Variants in LARP1B observed in about 807,000 individuals in gnomAD.
LARP1B encodes La ribonucleoprotein 1B, also known as la-related protein 1B.
In LARP1B, 76 loss-of-function variants were observed where a neutral mutation model predicts 114.2. The observed-to-expected ratio is 0.67, with a 90% confidence interval of 0.55 to 0.81. The LOEUF (loss-of-function observed/expected upper bound fraction) is 0.81, where lower values mean the gene tolerates loss of function less well. LARP1B is among the 30% of genes least tolerant of loss of function. The pLI, the probability that LARP1B is intolerant of heterozygous loss-of-function variation, is 0.00. For missense variants in LARP1B, 1,014 were observed against 1,075.8 expected (o/e 0.94, Z 0.80); for synonymous variants, 345 against 348.0 (o/e 0.99, Z 0.10).
At chr4:128,123,720 C>T in intron 11 of LARP1B, 2 of 973,648 alleles carry the variant, frequency 2.1e-6, no homozygotes, top group Non-Finnish European at 2.4e-6. Flanking sequence ...CAAAGGAACC[C>T]AACCATTGTG....
chr4:128,104,981 G>A (rs1045064702), intron 8 of LARP1B, among the ~76,000 whole-genome samples: 5 of 151,998 alleles, frequency 3.3e-5, no homozygotes, highest in Admixed American at 6.6e-5. Flanking sequence ...AGTTTGACTT[G>A]CTTCACATTC....
chr4:128,134,099 C>T (rs576318552), intron 11 of LARP1B, among the ~76,000 whole-genome samples: 72 of 151,640 alleles, frequency 4.7e-4, no homozygotes, highest in African/African-American at 1.7e-3. Flanking sequence ...CTCCTGGGCT[C>T]ATGCAATCCT....
Position 128,165,001 on chromosome 4 carries a change from A to G in LARP1B, c.1648+2684A>G, listed in dbSNP as rs78891021. 5.3e-3 allele frequency among the ~76,000 whole-genome samples: 809 copies of G among 152,234 alleles called. 9 individuals are homozygous for G. Among genetic ancestry groups the G allele is most frequent in the African/African-American group, 0.019 (773 of 41,554 alleles). ...GAAAAAATAAAAAAATAAAAAAGGG[A>G]TGTATAAAATAAGCTAGAACAAAGA... On this transcript the variant is annotated intron_variant, in intron 12 of 19. Coordinates refer to ENST00000326639, the MANE Select transcript of LARP1B (RefSeq NM_018078.4).
chr4:128,206,359 G>C, intron 17 of LARP1B, 69 bp from the exon 18 acceptor site: 1 of 828,876 alleles, frequency 1.2e-6, no homozygotes, highest in Non-Finnish European at 1.8e-6. Context: ...TGCCATGTTT[G>C]CTTATATTGA....
chr4:128,178,604 T>C lies in LARP1B; in HGVS notation c.1858T>C (p.Tyr620His), dbSNP rs773906860. 1 of 1,614,098 alleles carries C rather than the reference T, an allele frequency of 6.2e-7. No individual in the cohort carries two copies. Among genetic ancestry groups the C allele is most frequent in the South Asian group, 1.1e-5 (1 of 91,078 alleles). ...LQDPNKTPRF[Y>H]PVVKEPKAID... is the part of the protein sequence containing the mutation. ...AGATCCTAACAAAACACCAAGATTT[T>C]ATCCTGTTGTTAAAGAACCAAAAGC... Residue 620 changes from tyrosine (Y) to histidine (H), a missense_variant, in exon 14 of 20, where the codon TAT becomes CAT. Physicochemically the swap from Tyr to His is moderately conservative, Grantham distance 83. Transcript: ENST00000326639.
chr4:128,070,398 T>C (rs1764774248), intron 1 of LARP1B, among the ~76,000 whole-genome samples: 1 of 152,014 alleles, frequency 6.6e-6, no homozygotes, highest in Non-Finnish European at 1.5e-5. Context: ...CGGTGGCTCA[T>C]GCCTGCAATC....
chr4:128,117,649 G>A (rs1162370112), intron 10 of LARP1B, among the ~76,000 whole-genome samples: 1 of 152,026 alleles, frequency 6.6e-6, no homozygotes, highest in African/African-American at 2.4e-5. Context: ...CTCCCAAAGT[G>A]CTGGGATTAC....
intron 11 of LARP1B, chr4:128,123,049 T>A (rs1243671317): frequency 1.0e-6 from 1 of 985,262 alleles, no homozygotes; most frequent in Non-Finnish European, 1.2e-6. Flanking sequence ...GGAAATAAAG[T>A]TGTAGGAAGA....
chr4:128,074,280 G>A (rs1215471473), intron 1 of LARP1B, among the ~76,000 whole-genome samples, 180 bp from the exon 2 acceptor site: 2 of 152,186 alleles, frequency 1.3e-5, no homozygotes, highest in African/African-American at 4.8e-5. Context: ...GGAGACTGAA[G>A]ATCACCTTGA....
chr4:128,120,371 G>A (rs1261546514), intron 10 of LARP1B, among the ~76,000 whole-genome samples: 1 of 151,854 alleles, frequency 6.6e-6, no homozygotes, highest in Non-Finnish European at 1.5e-5. Flanking sequence ...TCTGTTGGGA[G>A]TTTTAAACTA....
At chr4:128,121,444 C>G (rs567327774) in intron 10 of LARP1B, among the ~76,000 whole-genome samples, 3 of 152,246 alleles carry the variant, frequency 2.0e-5, no homozygotes, top group Non-Finnish European at 4.4e-5. Context: ...CTCAGCCTCC[C>G]GAGTAGCTGG....
chr4:128,163,139 T>C (rs1739244868), intron 12 of LARP1B, among the ~76,000 whole-genome samples: 1 of 152,134 alleles, frequency 6.6e-6, no homozygotes, highest in Non-Finnish European at 1.5e-5. Flanking sequence ...TAGATTGATA[T>C]GTCTTTTTTA....
At chr4:128,150,896 G>C (rs1040741407) in intron 11 of LARP1B, among the ~76,000 whole-genome samples, 8 of 152,318 alleles carry the variant, frequency 5.3e-5, no homozygotes, top group African/African-American at 1.9e-4. Context: ...GGAAATCCTT[G>C]TTGCTTAAGC....
At chr4:128,150,874 A>G (rs1285625139) in intron 11 of LARP1B, among the ~76,000 whole-genome samples, 3 of 152,220 alleles carry the variant, frequency 2.0e-5, no homozygotes, top group East Asian at 1.9e-4. Flanking sequence ...CTTTCAAGCA[A>G]TTTGGCTGAA....
At chr4:128,162,895 A>G (rs1402012218) in intron 12 of LARP1B, among the ~76,000 whole-genome samples, 1 of 152,144 alleles carries the variant, frequency 6.6e-6, no homozygotes, top group African/African-American at 2.4e-5. Flanking sequence ...AGTAACTCCT[A>G]TACCTCCCTG....
chr4:128,085,221 A>AT lies in LARP1B; in HGVS notation c.358+2921dup, dbSNP rs556160094. Among the ~76,000 whole-genome samples the AT allele has an allele frequency of 1.4e-4, 21 of 152,214 alleles. No homozygotes were observed. In the East Asian group the frequency reaches 4.0e-3, roughly 29 times the overall value. ...GTAGTGTACTCTAGACTTTTAAAAA[A>AT]TTTTTAAGTTTCTTCAGCTTTTTTG... is the stretch of plus-strand genomic sequence containing the variant. On this transcript the variant is annotated intron_variant, in intron 5 of 19. Transcript: ENST00000326639.
chr4:128,183,993 G>A (rs1012922913), intron 15 of LARP1B, among the ~76,000 whole-genome samples: 4 of 152,188 alleles, frequency 2.6e-5, no homozygotes, highest in Non-Finnish European at 4.4e-5. Flanking sequence ...GCGATCTCAC[G>A]ATAAAACCTG....
chr4:128,076,434 T>C (rs766197353), intron 3 of LARP1B, among the ~76,000 whole-genome samples: 1 of 152,226 alleles, frequency 6.6e-6, no homozygotes, highest in South Asian at 2.1e-4. Flanking sequence ...TTTTGAGATT[T>C]ACTTGTGTGT....
chr4:128,080,273 A>G (rs953666773), intron 4 of LARP1B, among the ~76,000 whole-genome samples: 1 of 151,966 alleles, frequency 6.6e-6, no homozygotes, highest in African/African-American at 2.4e-5. Context: ...GTGAGCCACC[A>G]CGCCTGGCAA....
Sources: gnomAD v4.1 joint callset for allele counts (sites outside exome capture counted in the v4.1 genomes callset) on GRCh38, gnomAD v4.1.1 for gene constraint, MANE v1.5 for transcripts, NCBI Gene and HGNC (gene_info 2026-07-23, HGNC 2026-07-21) for gene names.